The following FNIP1 variants were observed in gnomAD, a reference collection of about 807,000 sequenced individuals.
FNIP1 encodes the protein folliculin interacting protein 1, also known as folliculin-interacting protein 1.
In FNIP1, 40 loss-of-function variants were observed where a neutral mutation model predicts 124.5. That is an observed-to-expected ratio of 0.32 (90% CI 0.25 to 0.42). The LOEUF (loss-of-function observed/expected upper bound fraction) is 0.42, where lower values mean the gene tolerates loss of function less well. FNIP1 is among the 10% of genes least tolerant of loss of function. The pLI is 1.00. For synonymous variants in FNIP1, 472 were observed against 470.6 expected (o/e 1.00, Z -0.04); for missense variants, 1,176 against 1,403.7 (o/e 0.84, Z 2.59).
chr5:131,730,816 A>G (rs1770057538), intron 3 of FNIP1, 88 bp downstream of exon 3: 1 of 1,028,356 alleles, frequency 9.7e-7, no homozygotes, highest in African/African-American at 1.6e-5. Context: ...GATAAGGACT[A>G]ATTGCTATTA....
intron 1 of FNIP1, among the ~76,000 whole-genome samples, chr5:131,749,477 C>G (rs1186773889): frequency 6.6e-6 from 1 of 151,428 alleles, no homozygotes; most frequent in Non-Finnish European, 1.5e-5. Flanking sequence ...ACTGCAACCT[C>G]CGCTTCCGGG....
intron 9 of FNIP1, among the ~76,000 whole-genome samples, chr5:131,704,975 C>T (rs1309444647): frequency 6.6e-6 from 1 of 151,794 alleles, no homozygotes; most frequent in African/African-American, 2.4e-5. Flanking sequence ...CATCAAAGGA[C>T]ACTATCAATG....
At chr5:131,722,145 T>G (rs1769687571) in intron 3 of FNIP1, among the ~76,000 whole-genome samples, 1 of 152,210 alleles carries the variant, frequency 6.6e-6, no homozygotes, top group South Asian at 2.1e-4. Context: ...TTACATGCAT[T>G]TGACACAGGC....
intron 1 of FNIP1, chr5:131,795,581 C>G (rs901550004): frequency 6.6e-6 from 1 of 152,030 alleles, no homozygotes; most frequent in African/African-American, 2.4e-5. Context: ...AGGAAAAACA[C>G]TAAAGAAATG....
intron 1 of FNIP1, among the ~76,000 whole-genome samples, chr5:131,781,851 GA>G (rs545536093): frequency 4.8e-5 from 7 of 147,298 alleles, no homozygotes; most frequent in East Asian, 4.0e-4. Flanking sequence ...TTAGGAAAAA[GA>G]AAAAAAAAAG....
intron 2 of FNIP1, among the ~76,000 whole-genome samples, chr5:131,735,133 A>G (rs974420447): frequency 1.7e-4 from 26 of 152,334 alleles, no homozygotes; most frequent in Admixed American, 1.4e-3. Flanking sequence ...GCAGCCATAA[A>G]AAAGGATGAG....
intron 1 of FNIP1, among the ~76,000 whole-genome samples, chr5:131,751,788 G>A (rs561478142): frequency 1.3e-5 from 2 of 152,286 alleles, no homozygotes; most frequent in South Asian, 4.1e-4. Flanking sequence ...CCATTTACAT[G>A]ACTTGTCCAG....
chr5:131,690,423 G>T (rs572496387), intron 11 of FNIP1, among the ~76,000 whole-genome samples: 5 of 152,188 alleles, frequency 3.3e-5, no homozygotes, highest in African/African-American at 1.2e-4. Context: ...CCATGTGGAG[G>T]TATTTGAATC....
At chr5:131,656,107 G>T (rs1484001283) in intron 15 of FNIP1, among the ~76,000 whole-genome samples, 1 of 152,046 alleles carries the variant, frequency 6.6e-6, no homozygotes, top group Non-Finnish European at 1.5e-5. Context: ...AACAAAACTG[G>T]TGTTTAAAGG....
At chr5:131,648,392 T>C (rs1018412466) in intron 16 of FNIP1, among the ~76,000 whole-genome samples, 12 of 151,902 alleles carry the variant, frequency 7.9e-5, no homozygotes, top group African/African-American at 1.5e-4. Context: ...TGATTTATCA[T>C]GTGAATTGAT....
chr5:131,768,985 C>G (rs1771535936), intron 1 of FNIP1, among the ~76,000 whole-genome samples: 1 of 152,058 alleles, frequency 6.6e-6, no homozygotes, highest in Admixed American at 6.5e-5. Flanking sequence ...ATACCGTTAA[C>G]TATAAAAATA....
chr5:131,775,321 T>C (rs1771764463), intron 1 of FNIP1, among the ~76,000 whole-genome samples: 1 of 152,108 alleles, frequency 6.6e-6, no homozygotes, highest in African/African-American at 2.4e-5. Context: ...TTGAATAATC[T>C]TTCCTCTGAG....
intron 1 of FNIP1, among the ~76,000 whole-genome samples, chr5:131,777,939 A>G (rs1294992544): frequency 1.3e-5 from 2 of 152,228 alleles, no homozygotes; most frequent in Admixed American, 6.5e-5. Flanking sequence ...ATCATCACCA[A>G]TGGATGCTAA....
At chr5:131,686,260 G>A (rs1008759960) in intron 11 of FNIP1, among the ~76,000 whole-genome samples, 1 of 152,222 alleles carries the variant, frequency 6.6e-6, no homozygotes, top group Admixed American at 6.5e-5. Context: ...GAGTTGAACA[G>A]TAATTGTGTA....
rs759766860 is a variant in FNIP1, at chr5:131,744,569, C to T, written c.214G>A (p.Val72Ile). ...AAATCAATAATGATGCTCACCGATACTGATATGTCCTCATTTCTTCTCTTA... is the reference window on the plus strand; with the variant it reads ...AAATCAATAATGATGCTCACCGATATTGATATGTCCTCATTTCTTCTCTTA... ...SVKRRNEDIS[V>I]SKLGSDAQVK... is the part of the protein sequence containing the mutation. Residue 72 changes from valine to isoleucine, a missense_variant, in exon 2 of 18, where the codon GTA (valine) becomes ATA (isoleucine). Physicochemically the swap from Val to Ile is conservative, Grantham distance 29. Coordinates refer to ENST00000510461, the MANE Select transcript of FNIP1 (RefSeq NM_133372.3). 1.9e-6 allele frequency: 3 copies of T among 1,590,834 alleles called. No individual in the cohort carries two copies. In the South Asian group the frequency reaches 3.4e-5, roughly 18 times the overall value.
In FNIP1 at chr5:131,767,121, T is replaced by C. The variant is rs149424597; in HGVS notation, c.93-22431A>G. ...CTACTGCACTCCACTTGAAAGTATC[T>C]CCTACTATCAGGCTTAAAAGAAATT... On this transcript the variant is annotated intron_variant, in intron 1 of 17. Coordinates refer to ENST00000510461, the MANE Select transcript of FNIP1 (RefSeq NM_133372.3). Among the ~76,000 whole-genome samples the C allele has an allele frequency of 4.8e-3, 728 of 152,192 alleles. 5 individuals are homozygous for C. Among genetic ancestry groups the C allele is most frequent in the African/African-American group, 0.017 (691 of 41,524 alleles).
At chr5:131,664,327 G>A (rs1767529379) in intron 15 of FNIP1, among the ~76,000 whole-genome samples, 1 of 152,024 alleles carries the variant, frequency 6.6e-6, no homozygotes, top group African/African-American at 2.4e-5. Flanking sequence ...TTAAGAATTG[G>A]GTTTAATGTT....
intron 2 of FNIP1, among the ~76,000 whole-genome samples, chr5:131,742,835 CAGT>C (rs1334442378): frequency 6.6e-6 from 1 of 152,066 alleles, no homozygotes; most frequent in Non-Finnish European, 1.5e-5. Flanking sequence ...TCAATATGTA[CAGT>C]AGTGTTCAAA....
intron 1 of FNIP1, among the ~76,000 whole-genome samples, chr5:131,764,008 C>A (rs1248356935): frequency 2.0e-5 from 3 of 152,108 alleles, no homozygotes; most frequent in Non-Finnish European, 2.9e-5. Flanking sequence ...TGGTTTAGCA[C>A]CATCCCTTTG....
Sources: allele counts gnomAD v4.1 joint callset (sites outside exome capture counted in the v4.1 genomes callset), GRCh38; gene constraint gnomAD v4.1.1; transcripts MANE v1.5; gene names NCBI Gene and HGNC (gene_info 2026-07-23, HGNC 2026-07-21).